Variants in DHRS3 observed in about 807,000 individuals in gnomAD.
The protein encoded by DHRS3 is short-chain dehydrogenase/reductase 3.
A neutral mutation model predicts 27.2 loss-of-function variants in DHRS3; 14 were observed. The ratio of observed to expected loss-of-function variants is 0.52; its 90% CI spans 0.34 to 0.81. The LOEUF is 0.81. DHRS3 is among the 30% of genes least tolerant of loss of function. The pLI is 0.01. For synonymous variants in DHRS3, 165 were observed against 175.9 expected, an observed-to-expected ratio of 0.94 and a Z score of 0.49; for missense variants, 322 against 406.2, an observed-to-expected ratio of 0.79 and a Z score of 1.78.
chr1:12,612,641 A>G (rs1280212529), intron 1 of DHRS3, among the ~76,000 whole-genome samples: 1 of 152,262 alleles, frequency 6.6e-6, no homozygotes, highest in Non-Finnish European at 1.5e-5. Flanking sequence ...ACGCCCATCC[A>G]GAACTTCAGA....
intron 1 of DHRS3, among the ~76,000 whole-genome samples, chr1:12,603,314 G>A (rs1158013497): frequency 6.6e-6 from 1 of 152,226 alleles, no homozygotes; most frequent in East Asian, 1.9e-4. Context: ...GTCCATCGAG[G>A]AGAGGGAGCG....
intron 1 of DHRS3, chr1:12,616,917 A>G: frequency 1.1e-6 from 1 of 875,604 alleles, no homozygotes; most frequent in Non-Finnish European, 1.7e-6. Flanking sequence ...GTGAATAGCC[A>G]GTCAGCCAGC....
chr1:12,606,581 C>T (rs1453155187), intron 1 of DHRS3, among the ~76,000 whole-genome samples: 1 of 152,070 alleles, frequency 6.6e-6, no homozygotes, highest in East Asian at 1.9e-4. Flanking sequence ...CCTCCGCCTC[C>T]CGGGTTCAAG....
rs180686732 is a variant in DHRS3 at position 12,592,624 on chromosome 1, C to T, written c.196-11958G>A. Among the ~76,000 whole-genome samples the T allele has an allele frequency of 4.6e-5, 7 of 152,200 alleles. No individual in the cohort carries two copies. The highest frequency in any genetic ancestry group is 3.9e-4 in the Admixed American group (6 of 15,286). On this transcript the variant is annotated intron_variant, in intron 1 of 5. Transcript: ENST00000616661. This position sits in a 1 kb window ranked among gnomAD's most constrained non-coding sequence, Gnocchi z 4.2. ...CACCTGGAGTTTGGACTTCTGGTAC[C>T]CAGAAATGTGAGAGCAGCTTTGGTG...
At chr1:12,609,111 T>C (rs1275193901) in intron 1 of DHRS3, among the ~76,000 whole-genome samples, 1 of 152,218 alleles carries the variant, frequency 6.6e-6, no homozygotes, top group African/African-American at 2.4e-5. Context: ...CTACTGCCAT[T>C]AGAAGCCTGC....
intron 1 of DHRS3, among the ~76,000 whole-genome samples, chr1:12,587,139 A>C (rs1464570969): frequency 6.8e-6 from 1 of 147,812 alleles, no homozygotes; most frequent in Non-Finnish European, 1.5e-5. Flanking sequence ...CTCAACTCTA[A>C]ACTTTTTTTT....
intron 1 of DHRS3, among the ~76,000 whole-genome samples, chr1:12,583,488 C>T (rs1646664483): frequency 1.6e-5 from 2 of 126,934 alleles, no homozygotes; most frequent in African/African-American, 6.0e-5. Flanking sequence ...ATCCACTCAC[C>T]TACTTATCCA....
intron 1 of DHRS3, among the ~76,000 whole-genome samples, chr1:12,609,238 C>A (rs1383368819): frequency 4.6e-5 from 7 of 152,170 alleles, no homozygotes; most frequent in Admixed American, 2.0e-4. Context: ...AGGTTCCCTG[C>A]CGCATCTCCA....
At position 12,617,400 on chromosome 1, in the gene DHRS3, A is replaced by C; in HGVS notation, c.-52T>G. The C allele has an allele frequency of 6.5e-7, 1 of 1,544,248 alleles. No homozygotes were observed. Among genetic ancestry groups the C allele is most frequent in the Non-Finnish European group, 8.8e-7 (1 of 1,140,756 alleles). On this transcript the variant is annotated 5_prime_UTR_variant, in exon 1 of 6. Coordinates refer to ENST00000616661, the MANE Select transcript of DHRS3 (RefSeq NM_004753.7). ...GGCGAAACTCCCCGGGCCGAGCAATACAGGAATTAAAAAACACCCCGAACA... is the reference window on the plus strand; with the variant it reads ...GGCGAAACTCCCCGGGCCGAGCAATCCAGGAATTAAAAAACACCCCGAACA...
In DHRS3 at chr1:12,574,559, A is replaced by T. The variant is rs992240787; in HGVS notation, c.699-1706T>A. ...AGAGATGAACGTGTTGAGGCAGCTC[A>T]CTGATACTGGAGTCCTACAGGTGTC... is the stretch of plus-strand genomic sequence containing the variant. On this transcript the variant is annotated intron_variant, in intron 4 of 5. Transcript: ENST00000616661. The surrounding 1 kb of genome is among the most constrained non-coding windows in gnomAD (Gnocchi z 4.6). 6.6e-6 allele frequency among the ~76,000 whole-genome samples: 1 copy of T among 152,116 alleles called. No homozygotes were observed. The highest frequency in any genetic ancestry group is 2.4e-5 in the African/African-American group (1 of 41,434).
chr1:12,580,269 C>T (rs1646631650), intron 2 of DHRS3: 1 of 514,864 alleles, frequency 1.9e-6, no homozygotes, highest in South Asian at 2.0e-5. Context: ...TTTGCCCCGC[C>T]ACAGTCCTGG....
At position 12,586,919 on chromosome 1, in the gene DHRS3, C is replaced by G. The variant is rs1646701630; in HGVS notation, c.196-6253G>C. On this transcript the variant is annotated intron_variant, in intron 1 of 5. Transcript: ENST00000616661. This position sits in a 1 kb window ranked among gnomAD's most constrained non-coding sequence, Gnocchi z 5.0. ...TAACTAACTGCTCAGTACCCACTCCCTGTTGGTATTTCCCGTGGGGAGGAA... is the reference window on the plus strand; with the variant it reads ...TAACTAACTGCTCAGTACCCACTCCGTGTTGGTATTTCCCGTGGGGAGGAA... Among the ~76,000 whole-genome samples, 1 of 152,134 alleles carries G rather than the reference C, an allele frequency of 6.6e-6. No individual in the cohort carries two copies. Among genetic ancestry groups the G allele is most frequent in the Admixed American group, 6.5e-5 (1 of 15,274 alleles).
chr1:12,580,111 A>ATAT, intron 2 of DHRS3: 1 of 301,794 alleles, frequency 3.3e-6, no homozygotes, highest in Non-Finnish European at 6.5e-6. Context: ...CATATTTATA[A>ATAT]TAAATGAGTT....
chr1:12,582,894 T>A (rs1215616994), intron 1 of DHRS3, among the ~76,000 whole-genome samples: 2 of 139,562 alleles, frequency 1.4e-5, no homozygotes, highest in African/African-American at 5.4e-5. Context: ...TCATCTACCC[T>A]ACTCCATCCA....
At chr1:12,568,492 G>A in intron 5 of DHRS3, 68 bp from the exon 6 acceptor site, 1 of 1,488,736 alleles carries the variant, frequency 6.7e-7, no homozygotes, top group Non-Finnish European at 9.4e-7. Context: ...TGGGTCGCTG[G>A]TGGCCATGTG....
In DHRS3 at chr1:12,572,723, C is replaced by A; in HGVS notation, c.824+5G>T. ...GACCCAGAGTGTTCTTTCCCAGCCC[C>A]ATACCTTTTCAAGATAACGAGGGCA... On this transcript the variant is annotated splice_donor_5th_base_variant and intron_variant, in intron 5 of 5. Coordinates refer to ENST00000616661, the MANE Select transcript of DHRS3 (RefSeq NM_004753.7). 6.3e-7 allele frequency: 1 copy of A among 1,590,248 alleles called. No homozygotes were observed. The highest frequency in any genetic ancestry group is 8.6e-7 in the Non-Finnish European group (1 of 1,167,954).
At chr1:12,580,416 T>C (rs927700215) in intron 2 of DHRS3, 107 bp downstream of exon 2, 12 of 1,535,250 alleles carry the variant, frequency 7.8e-6, no homozygotes, top group Non-Finnish European at 1.1e-5. Flanking sequence ...GGCAAAGCCA[T>C]TCTGCCATAA....
intron 1 of DHRS3, chr1:12,616,416 A>T: frequency 2.6e-6 from 1 of 379,578 alleles, no homozygotes; most frequent in Non-Finnish European, 3.6e-6. Flanking sequence ...ACCACCAAAA[A>T]GTTAAAGGCC....
intron 1 of DHRS3, among the ~76,000 whole-genome samples, chr1:12,616,049 T>C (rs571488789): frequency 2.8e-4 from 43 of 152,328 alleles, no homozygotes; most frequent in Middle Eastern, 3.4e-3. Flanking sequence ...CCCGGAGGAA[T>C]TGTAAATCTC....
Sources: allele counts gnomAD v4.1 joint callset (sites outside exome capture counted in the v4.1 genomes callset), GRCh38; gene constraint gnomAD v4.1.1; non-coding constraint Gnocchi (gnomAD v3.1); transcripts MANE v1.5; gene names NCBI Gene and HGNC (gene_info 2026-07-23, HGNC 2026-07-21).